Variants in TRAF7 observed in about 807,000 individuals in gnomAD.
The protein encoded by TRAF7 is E3 ubiquitin-protein ligase TRAF7.
A neutral mutation model predicts 89.3 loss-of-function variants in TRAF7; 45 were observed. That is an observed-to-expected ratio of 0.50 (90% confidence interval 0.40 to 0.65). The LOEUF is 0.65. Ranked by LOEUF, TRAF7 falls within the 30% of genes least tolerant of loss-of-function variation. TRAF7 has a pLI of 0.00. For synonymous variants in TRAF7, 406 were observed against 369.2 expected (o/e 1.10, Z -1.14); for missense variants, 677 against 918.1 (o/e 0.74, Z 3.39).
Position 2,176,620 on chromosome 16 carries a change from C to A in TRAF7, c.*46C>A. On this transcript the variant is annotated 3_prime_UTR_variant, in exon 21 of 21. Transcript: ENST00000326181. The stretch of plus-strand genomic sequence containing the variant: ...GGTTTCCCCTGAACCAGCCCTGGAC[C>A]TTTCTGAGCCAGGCTGGCCACATGG... The A allele has an allele frequency of 1.9e-6, 3 of 1,613,092 alleles. No homozygotes were observed. Among genetic ancestry groups the A allele is most frequent in the Non-Finnish European group, 2.5e-6 (3 of 1,179,944 alleles).
In TRAF7 at chr16:2,168,184, C is replaced by G. The variant is rs567590633; in HGVS notation, c.231+16C>G. ...GGACAGCATGGTAGGTCCCTACCCC[C>G]AGGAGCCCGTGTGAGCCTCAGCCTC... On this transcript the variant is annotated intron_variant, in intron 4 of 20. Coordinates refer to ENST00000326181, the MANE Select transcript of TRAF7 (RefSeq NM_032271.3). The surrounding 1 kb of genome is among the most constrained non-coding windows in gnomAD (Gnocchi z 4.1). The G allele has an allele frequency of 3.1e-6, 5 of 1,597,908 alleles. No individual in the cohort carries two copies. In the Admixed American group the frequency reaches 6.8e-5, roughly 22 times the overall value.
intron 9 of TRAF7, 124 bp from the exon 10 acceptor site, chr16:2,173,058 G>A: frequency 1.2e-6 from 1 of 820,724 alleles, no homozygotes; most frequent in Non-Finnish European, 2.0e-6. Flanking sequence ...GACGGCAGGT[G>A]TGGGTGGGGG....
At chr16:2,167,830 C>G (rs577908972) in intron 3 of TRAF7, among the ~76,000 whole-genome samples, 1 of 152,116 alleles carries the variant, frequency 6.6e-6, no homozygotes. Flanking sequence ...CAGGGGCTAC[C>G]GGGCTCAGCG....
rs996718635 is a variant in TRAF7 at position 2,177,150 on chromosome 16, CAT to C, written c.*577_*578del. 4.0e-6 allele frequency: 1 copy of C among 252,466 alleles called. No individual in the cohort carries two copies. The highest frequency in any genetic ancestry group is 2.2e-5 in the African/African-American group (1 of 45,836). The allele number at this position is 252,466 out of a possible 1,614,324, so 15.6% of individuals were successfully genotyped here. On this transcript the variant is annotated 3_prime_UTR_variant, in exon 21 of 21. Coordinates refer to ENST00000326181, the MANE Select transcript of TRAF7 (RefSeq NM_032271.3). ...GCCTCCAGTCCCATCTCCCCCAACA[CAT>C]GTGCCCCCAAAAAGTGAGCCAGGCA...
At chr16:2,157,614 G>A (rs1171120835) in intron 1 of TRAF7, among the ~76,000 whole-genome samples, 2 of 152,144 alleles carry the variant, frequency 1.3e-5, no homozygotes, top group Non-Finnish European at 2.9e-5. Flanking sequence ...GGCACCCCGT[G>A]GTTGGTGTGA....
rs770117561 is a variant in TRAF7, at chr16:2,175,150, T to C, written c.1386T>C (p.Ile462=). The C allele has an allele frequency of 4.3e-6, 7 of 1,613,602 alleles. No homozygotes were observed. In the East Asian group the frequency reaches 1.1e-4, roughly 26 times the overall value. Residue 462 remains isoleucine, a splice_region_variant and synonymous_variant, in exon 15 of 21, where the codon ATT becomes ATC. Coordinates refer to ENST00000326181, the MANE Select transcript of TRAF7 (RefSeq NM_032271.3). The part of the protein sequence containing the change: ...LYSGSADCTI[I]VWDIQNLQKV... ...GCGGCTCTGCAGACTGCACCATCAT[T>C]GTGAGTGGGGCCTACAGGCGGGTGG...
In TRAF7 at chr16:2,170,692, C is replaced by T. The variant is rs775280844; in HGVS notation, c.310C>T (p.Arg104Cys). The T allele has an allele frequency of 3.1e-6, 5 of 1,607,564 alleles. No homozygotes were observed. Among genetic ancestry groups the T allele is most frequent in the African/African-American group, 1.3e-5 (1 of 74,598 alleles). ...SLHSESSMSL[R>C]STFSLPEEEE... Reference sequence around the variant, plus strand: ...GCACTCAGAGTCCAGCATGTCTCTGCGCTCCACATTCTCACTGCCCGAGGA... The same window carrying T: ...GCACTCAGAGTCCAGCATGTCTCTGTGCTCCACATTCTCACTGCCCGAGGA... Residue 104 changes from arginine (R) to cysteine (C), a missense_variant, in exon 5 of 21, where the codon CGC (arginine) becomes TGC (cysteine). Physicochemically the swap from Arg to Cys is radical, Grantham distance 180. This residue lies in a region of TRAF7 where 240 missense variants were observed against 191.9 expected (regional missense o/e 1.25). Coordinates refer to ENST00000326181, the MANE Select transcript of TRAF7 (RefSeq NM_032271.3).
intron 7 of TRAF7, 24 bp from the exon 8 acceptor site, chr16:2,172,167 G>T: frequency 6.2e-7 from 1 of 1,612,526 alleles, no homozygotes; most frequent in Non-Finnish European, 8.5e-7. Context: ...AGGCCGTGAG[G>T]GTCAGCACGC....
chr16:2,155,995 G>A (rs1249536459), intron 1 of TRAF7, 137 bp downstream of exon 1: 1 of 147,398 alleles, frequency 6.8e-6, no homozygotes, highest in Non-Finnish European at 1.5e-5. Context: ...GGGGGGCGGG[G>A]CTGAGACGGT....
At chr16:2,164,175 C>CACGCGT (rs2093070713) in intron 2 of TRAF7, among the ~76,000 whole-genome samples, 174 bp downstream of exon 2, 1 of 119,592 alleles carries the variant, frequency 8.4e-6, no homozygotes, top group Admixed American at 7.9e-5. Context: ...CGCGCGCGCG[C>CACGCGT]GCGCGCACGC....
At position 2,163,928 on chromosome 16, in the gene TRAF7, C is replaced by G; in HGVS notation, c.8C>G (p.Ser3Ter). The G allele has an allele frequency of 1.2e-6, 2 of 1,612,550 alleles. No homozygotes were observed. Among genetic ancestry groups the G allele is most frequent in the Non-Finnish European group, 1.7e-6 (2 of 1,179,722 alleles). The change falls in exon 2 of 21, where the codon TCA becomes TGA. Residue 3 changes from serine (S) to a stop codon, truncating the protein, a stop_gained. Coordinates refer to ENST00000326181, the MANE Select transcript of TRAF7 (RefSeq NM_032271.3). LOFTEE classifies it high-confidence loss of function. The surrounding 1 kb of genome is among the most constrained non-coding windows in gnomAD (Gnocchi z 4.3). MS[S>*]GKSARYNRFS... Reference sequence around the variant, plus strand: ...TAGATGCCTCTCTAGAGCATGAGCTCAGGCAAGAGTGCCCGCTACAACCGC... The same window carrying G: ...TAGATGCCTCTCTAGAGCATGAGCTGAGGCAAGAGTGCCCGCTACAACCGC...
rs934372769 is a variant in TRAF7 at position 2,163,168 on chromosome 16, G to C, written c.-38-715G>C. Among the ~76,000 whole-genome samples the C allele has an allele frequency of 6.6e-6, 1 of 152,074 alleles. No individual in the cohort carries two copies. The highest frequency in any genetic ancestry group is 2.4e-5 in the African/African-American group (1 of 41,398). On this transcript the variant is annotated intron_variant, in intron 1 of 20. Transcript: ENST00000326181. This position sits in a 1 kb window ranked among gnomAD's most constrained non-coding sequence, Gnocchi z 4.3. Reference sequence around the variant, plus strand: ...CCCACCAGCCCCTCTCTTCTGGGGAGGGTGATTCCCGCATGCCTTCTCCCT... The same window carrying C: ...CCCACCAGCCCCTCTCTTCTGGGGACGGTGATTCCCGCATGCCTTCTCCCT...
At chr16:2,165,980 G>A (rs2093085263) in intron 3 of TRAF7, 44 bp downstream of exon 3, 1 of 1,612,224 alleles carries the variant, frequency 6.2e-7, no homozygotes, top group Non-Finnish European at 8.5e-7. Context: ...GAATAACCGG[G>A]GCACCCCCAT....
chr16:2,172,818 G>A (rs910153339), intron 9 of TRAF7, among the ~76,000 whole-genome samples: 8 of 152,094 alleles, frequency 5.3e-5, no homozygotes, highest in African/African-American at 1.7e-4. Context: ...GGCCCAGCAT[G>A]GGCGGATTTG....
intron 7 of TRAF7, among the ~76,000 whole-genome samples, chr16:2,171,989 C>T (rs375260139): frequency 5.9e-5 from 9 of 152,172 alleles, no homozygotes; most frequent in South Asian, 2.1e-4. Context: ...CACACTTTTC[C>T]GGGCACAGCT....
chr16:2,172,635 G>GGGGGGGGGGGGGGGGGGGC, intron 9 of TRAF7, 36 bp downstream of exon 9: 1 of 1,273,316 alleles, frequency 7.9e-7, no homozygotes, highest in Non-Finnish European at 1.1e-6. Flanking sequence ...GCCGGGGTGG[G>GGGGGGGGGGGGGGGGGGGC]CGCAGGCCCT....
At chr16:2,176,434 G>A (rs62038842) in intron 20 of TRAF7, 50 bp downstream of exon 20, 20,596 of 1,612,118 alleles carry the variant, frequency 0.013, 181 homozygotes, top group Non-Finnish European at 0.015. Context: ...AGGATGGAGC[G>A]GGGGTGGGGA....
chr16:2,167,352 A>G (rs1219354328), intron 3 of TRAF7, among the ~76,000 whole-genome samples: 1 of 152,228 alleles, frequency 6.6e-6, no homozygotes, highest in Non-Finnish European at 1.5e-5. Context: ...CCCAGGGCTC[A>G]TCGTGACATC....
rs2093053943 is a variant in TRAF7 at position 2,160,532 on chromosome 16, T to TGGA, written c.-38-3351_-38-3350insGGA. Among the ~76,000 whole-genome samples, 9 of 39,834 alleles carry TGGA rather than the reference T, an allele frequency of 2.3e-4. 1 individual carries two copies. In the Admixed American group the frequency reaches 2.8e-3, roughly 12 times the overall value. The allele number at this position is 39,834 out of a possible 152,430, so 26.1% of individuals were successfully genotyped here. On this transcript the variant is annotated intron_variant, in intron 1 of 20. Transcript: ENST00000326181. ...GGCGGTGTGGGTGGGCGGGAGGTGC[T>TGGA]CGGGCAGGCGGTGTGGATGGGCGGG... is the stretch of plus-strand genomic sequence containing the variant.
Sources: allele counts gnomAD v4.1 joint callset (sites outside exome capture counted in the v4.1 genomes callset), GRCh38; gene constraint gnomAD v4.1.1; regional missense constraint gnomAD v4.1.1; non-coding constraint Gnocchi (gnomAD v3.1); transcripts MANE v1.5; gene names NCBI Gene and HGNC (gene_info 2026-07-23, HGNC 2026-07-21).